EXOC2: variants seen among roughly 807,000 people sequenced by gnomAD.
The protein encoded by EXOC2 is exocyst complex component 2.
EXOC2 carries 70 observed loss-of-function variants against 131.8 expected under a neutral mutation model. The observed-to-expected ratio is 0.53, with a 90% CI of 0.44 to 0.65. The LOEUF (loss-of-function observed/expected upper bound fraction) is 0.65, where lower values mean the gene tolerates loss of function less well. EXOC2 is among the 30% of genes least tolerant of loss of function. The probability of loss-of-function intolerance (pLI) is 0.00; values close to 1 mark genes in which losing one functional copy is unlikely to be tolerated. For synonymous variants in EXOC2, 411 were observed against 398.4 expected (o/e 1.03, Z -0.38); for missense variants, 923 against 1,108.6 (o/e 0.83, Z 2.38).
chr6:521,530 CT>C (rs965414802), intron 23 of EXOC2, among the ~76,000 whole-genome samples: 293 of 143,952 alleles, frequency 2.0e-3, no homozygotes, highest in Middle Eastern at 3.7e-3. Flanking sequence ...CATTTGAATT[CT>C]TTTTTTTTTT....
At chr6:570,771 T>C (rs7761287) in intron 13 of EXOC2, among the ~76,000 whole-genome samples, 1,675 of 152,344 alleles carry the variant, frequency 0.011, 30 homozygotes, top group African/African-American at 0.038. Flanking sequence ...TGGATGTTTC[T>C]ATTATGCTCC....
chr6:631,522 C>A (rs772249794), intron 3 of EXOC2, among the ~76,000 whole-genome samples: 1 of 150,914 alleles, frequency 6.6e-6, no homozygotes, highest in Non-Finnish European at 1.5e-5. Flanking sequence ...CCAGCATGGG[C>A]GACAGAGCAA....
At position 556,523 on chromosome 6, in the gene EXOC2, T is replaced by C; in HGVS notation, c.1893A>G (p.Ser631=). 6.2e-7 allele frequency: 1 copy of C among 1,614,138 alleles called. No individual in the cohort carries two copies. The highest frequency in any genetic ancestry group is 8.5e-7 in the Non-Finnish European group (1 of 1,180,010). ...FEQCIVCSLQ[S]LKGVLECKPG... ...GCTTGCACTCCAGAACCCCCTTCAGTGACTGCAGAGAACACACGATGCACT... is the reference window on the plus strand; with the variant it reads ...GCTTGCACTCCAGAACCCCCTTCAGCGACTGCAGAGAACACACGATGCACT... The change falls in exon 18 of 28, where the codon TCA becomes TCG. Residue 631 remains serine, a synonymous_variant. Coordinates refer to ENST00000230449, the MANE Select transcript of EXOC2 (RefSeq NM_018303.6).
intron 23 of EXOC2, among the ~76,000 whole-genome samples, chr6:519,010 C>A (rs925071841): frequency 1.3e-5 from 2 of 152,088 alleles, no homozygotes; most frequent in African/African-American, 4.8e-5. Flanking sequence ...TCGTAAAGTG[C>A]CAAGTACTCA....
chr6:486,134 C>A lies in EXOC2; in HGVS notation c.*537G>T, dbSNP rs1483500782. The A allele has an allele frequency of 2.0e-5, 3 of 152,178 alleles. No homozygotes were observed. Among genetic ancestry groups the A allele is most frequent in the Non-Finnish European group, 4.4e-5 (3 of 68,066 alleles). 9.4% of individuals were successfully genotyped at this position (152,178 alleles called of 1,614,324 possible). A position where few individuals can be genotyped will look rare whatever the true frequency, so the allele number is the denominator to read the frequency against. ...GTTGTAATATGTATTTTAATGGAGA[C>A]CATAAATTTTTCCAAAAACCCGCTT... is the stretch of plus-strand genomic sequence containing the variant. On this transcript the variant is annotated 3_prime_UTR_variant, in exon 28 of 28. Transcript: ENST00000230449.
intron 3 of EXOC2, among the ~76,000 whole-genome samples, chr6:632,452 CAAAGA>C (rs1290382676): frequency 1.3e-5 from 2 of 152,042 alleles, no homozygotes; most frequent in Admixed American, 1.3e-4. Context: ...CTATGTGGTT[CAAAGA>C]AGAGTGAGTA....
At chr6:556,346 A>G (rs1007639295) in intron 18 of EXOC2, 138 bp downstream of exon 18, 3 of 893,726 alleles carry the variant, frequency 3.4e-6, no homozygotes, top group African/African-American at 3.3e-5. Flanking sequence ...AAATCAGCAC[A>G]TCTACGCAGT....
At chr6:611,842 A>G (rs1356217611) in intron 6 of EXOC2, among the ~76,000 whole-genome samples, 1 of 152,248 alleles carries the variant, frequency 6.6e-6, no homozygotes, top group African/African-American at 2.4e-5. Flanking sequence ...GTATTTGAGA[A>G]ACAAAAAAAA....
intron 22 of EXOC2, among the ~76,000 whole-genome samples, chr6:533,117 G>A (rs9405780): frequency 2.0e-5 from 3 of 152,116 alleles, no homozygotes; most frequent in African/African-American, 7.2e-5. Flanking sequence ...CGGCCACTAC[G>A]ATTCAATGAC....
intron 17 of EXOC2, among the ~76,000 whole-genome samples, chr6:557,255 T>C (rs1399661228): frequency 1.7e-4 from 26 of 152,112 alleles, no homozygotes. Context: ...ATCATGAAAG[T>C]CAAAGTTGAC....
intron 1 of EXOC2, among the ~76,000 whole-genome samples, chr6:665,729 T>A (rs942697116): frequency 6.7e-6 from 1 of 150,302 alleles, no homozygotes; most frequent in Non-Finnish European, 1.5e-5. Context: ...ATCTAAGCTA[T>A]GAGGATGCAA....
Position 539,255 on chromosome 6 carries a change from G to A in EXOC2, c.2239-6645C>T, listed in dbSNP as rs143724655. ...GGGTCTTTCGAAGCATTAAAAAACT[G>A]TGGGTAATAACTTACAGAAGTAAAA... On this transcript the variant is annotated intron_variant, in intron 22 of 27. Transcript: ENST00000230449. Among the ~76,000 whole-genome samples the A allele has an allele frequency of 7.9e-4, 121 of 152,266 alleles. 3 individuals carry two copies. The Middle Eastern group carries it at 0.014, about 17-fold the overall frequency.
intron 27 of EXOC2, among the ~76,000 whole-genome samples, chr6:487,497 C>T (rs1763144066): frequency 6.6e-6 from 1 of 152,130 alleles, no homozygotes; most frequent in Non-Finnish European, 1.5e-5. Flanking sequence ...ACCTCCACCT[C>T]CCGGATTCAA....
chr6:500,193 A>C (rs1166431382), intron 23 of EXOC2, among the ~76,000 whole-genome samples: 1 of 152,244 alleles, frequency 6.6e-6, no homozygotes, highest in Non-Finnish European at 1.5e-5. Flanking sequence ...CAATTATAGC[A>C]TCTTACTACC....
At chr6:539,677 A>G (rs1766693380) in intron 22 of EXOC2, among the ~76,000 whole-genome samples, 1 of 152,236 alleles carries the variant, frequency 6.6e-6, no homozygotes, top group Non-Finnish European at 1.5e-5. Flanking sequence ...GATTTTAAAA[A>G]CTTTTTGATA....
At chr6:499,530 C>T (rs560725908) in intron 24 of EXOC2, 115 bp downstream of exon 24, 2 of 811,422 alleles carry the variant, frequency 2.5e-6, no homozygotes, top group South Asian at 1.6e-5. Context: ...TATTTATACC[C>T]AAGACACATT....
intron 4 of EXOC2, among the ~76,000 whole-genome samples, chr6:620,845 G>T (rs966064226): frequency 2.2e-4 from 34 of 152,230 alleles, no homozygotes; most frequent in African/African-American, 7.5e-4. Context: ...TGGACAGAGA[G>T]ACAAGAATGG....
At chr6:541,507 CAA>C (rs1756533171) in intron 22 of EXOC2, among the ~76,000 whole-genome samples, 1 of 151,932 alleles carries the variant, frequency 6.6e-6, no homozygotes, top group East Asian at 1.9e-4. Flanking sequence ...TGGCAAGAAA[CAA>C]AGAATAAAAA....
At chr6:530,389 G>A (rs1473475584) in intron 23 of EXOC2, among the ~76,000 whole-genome samples, 1 of 152,238 alleles carries the variant, frequency 6.6e-6, no homozygotes, top group Non-Finnish European at 1.5e-5. Flanking sequence ...TAAAAACTCT[G>A]AGAACAAGAC....
Sources: allele counts gnomAD v4.1 joint callset (sites outside exome capture counted in the v4.1 genomes callset), GRCh38; gene constraint gnomAD v4.1.1; transcripts MANE v1.5; gene names NCBI Gene and HGNC (gene_info 2026-07-23, HGNC 2026-07-21).